NECTIN1: variants seen among roughly 807,000 people sequenced by gnomAD.
The protein encoded by NECTIN1 is nectin cell adhesion molecule 1.
In NECTIN1, 23 loss-of-function variants were observed where a neutral mutation model predicts 48.0. That is an observed-to-expected ratio of 0.48 (90% CI 0.34 to 0.68). The LOEUF (loss-of-function observed/expected upper bound fraction) is 0.68, where lower values mean the gene tolerates loss of function less well. Ranked by LOEUF, NECTIN1 falls within the 30% of genes least tolerant of loss-of-function variation. The probability of loss-of-function intolerance (pLI) is 0.01; values close to 1 mark genes in which losing one functional copy is unlikely to be tolerated. For missense variants in NECTIN1, 591 were observed against 709.9 expected (o/e 0.83, Z 1.90); for synonymous variants, 270 against 288.9 (o/e 0.93, Z 0.66).
At chr11:119,638,351 C>A (rs374630937) in intron 7 of NECTIN1, 8 of 1,413,330 alleles carry the variant, frequency 5.7e-6, no homozygotes, top group African/African-American at 2.8e-5. Flanking sequence ...TTCCCATGCA[C>A]CCCCATTCTG....
chr11:119,673,371 C>T lies in NECTIN1; in HGVS notation c.1003+1788G>A, dbSNP rs1172549753. Among the ~76,000 whole-genome samples, 2 of 152,186 alleles carry T rather than the reference C, an allele frequency of 1.3e-5. No individual in the cohort carries two copies. The highest frequency in any genetic ancestry group is 2.4e-5 in the African/African-American group (1 of 41,444). ...GGCTCCTGCCTAACGGGGCTGCCAG[C>T]AAGAGCCATGTTGTGTCCCTCTTCC... On this transcript the variant is annotated intron_variant, in intron 5 of 5. Coordinates refer to ENST00000264025, the MANE Select transcript of NECTIN1 (RefSeq NM_002855.5). This position sits in a 1 kb window ranked among gnomAD's most constrained non-coding sequence, Gnocchi z 5.8.
intron 1 of NECTIN1, among the ~76,000 whole-genome samples, chr11:119,686,180 T>C (rs1335937488): frequency 2.6e-5 from 4 of 152,198 alleles, no homozygotes; most frequent in Non-Finnish European, 1.5e-5. Context: ...TGAATTCCTC[T>C]TGATTTTCCA....
rs75467138 is a variant in NECTIN1, at chr11:119,672,276, C to T, written c.1003+2883G>A. 8.8e-3 allele frequency among the ~76,000 whole-genome samples: 1,342 copies of T among 152,286 alleles called. 15 individuals carry two copies. Among genetic ancestry groups the T allele is most frequent in the African/African-American group, 0.031 (1,290 of 41,546 alleles). Reference sequence around the variant, plus strand: ...TGGAGAGGCCTGGCCTGTCTCCTCCCGACACCCACAGGGATAGAGGCTGCC... The same window carrying T: ...TGGAGAGGCCTGGCCTGTCTCCTCCTGACACCCACAGGGATAGAGGCTGCC... On this transcript the variant is annotated intron_variant, in intron 5 of 5. Transcript: ENST00000264025. This position sits in a 1 kb window ranked among gnomAD's most constrained non-coding sequence, Gnocchi z 4.3.
At chr11:119,670,644 C>CTTTTTT (rs56350355) in intron 5 of NECTIN1, among the ~76,000 whole-genome samples, 8 of 113,896 alleles carry the variant, frequency 7.0e-5, no homozygotes, top group African/African-American at 1.0e-4. Flanking sequence ...TTCCTAAGTC[C>CTTTTTT]TTTTTTTTTT....
chr11:119,686,732 C>T (rs556529785), intron 1 of NECTIN1, among the ~76,000 whole-genome samples: 6 of 152,328 alleles, frequency 3.9e-5, no homozygotes, highest in Non-Finnish European at 5.9e-5. Context: ...TCATTCTTCC[C>T]GGAATCACCT....
At chr11:119,724,479 C>A (rs559966364) in intron 1 of NECTIN1, among the ~76,000 whole-genome samples, 8 of 152,272 alleles carry the variant, frequency 5.3e-5, no homozygotes, top group Admixed American at 4.6e-4. Flanking sequence ...CTTCCCACCC[C>A]CCAAAGGACC....
intron 5 of NECTIN1, chr11:119,674,707 G>A (rs867321250): frequency 3.7e-6 from 6 of 1,613,976 alleles, no homozygotes; most frequent in Middle Eastern, 1.6e-4. Flanking sequence ...CTACATCTTC[G>A]CTTTCTCTCC....
At chr11:119,697,951 TGA>T (rs1565396189) in intron 1 of NECTIN1, among the ~76,000 whole-genome samples, 1 of 152,248 alleles carries the variant, frequency 6.6e-6, no homozygotes, top group Non-Finnish European at 1.5e-5. Context: ...CTGCCCAGCC[TGA>T]GTCTTCTCCC....
intron 1 of NECTIN1, among the ~76,000 whole-genome samples, chr11:119,689,763 C>T (rs1455558475): frequency 6.6e-6 from 1 of 152,182 alleles, no homozygotes; most frequent in Non-Finnish European, 1.5e-5. Context: ...CTCACCAATC[C>T]CCACCGCAAT....
chr11:119,643,594 T>C (rs1054879491), intron 5 of NECTIN1, among the ~76,000 whole-genome samples: 1 of 152,148 alleles, frequency 6.6e-6, no homozygotes, highest in Non-Finnish European at 1.5e-5. Context: ...ACCCCCTCCC[T>C]GAATAGGGGG....
At chr11:119,722,057 C>T (rs895250797) in intron 1 of NECTIN1, among the ~76,000 whole-genome samples, 8 of 152,226 alleles carry the variant, frequency 5.3e-5, no homozygotes, top group South Asian at 2.1e-4. Flanking sequence ...CATCCTCTTC[C>T]GTCTGTCCAT....
chr11:119,686,534 TGG>T (rs1565391860), intron 1 of NECTIN1, among the ~76,000 whole-genome samples: 20 of 152,154 alleles, frequency 1.3e-4, no homozygotes, highest in Non-Finnish European at 2.5e-4. Flanking sequence ...GACCCTCCCA[TGG>T]TATCCTGCAG....
chr11:119,713,305 G>T (rs911893193), intron 1 of NECTIN1, among the ~76,000 whole-genome samples: 81 of 152,246 alleles, frequency 5.3e-4, no homozygotes, highest in African/African-American at 1.9e-3. Flanking sequence ...TAGGTGTGGG[G>T]GCTTCTTTTC....
At chr11:119,704,058 G>A (rs1865502272) in intron 1 of NECTIN1, among the ~76,000 whole-genome samples, 1 of 152,130 alleles carries the variant, frequency 6.6e-6, no homozygotes, top group Non-Finnish European at 1.5e-5. Flanking sequence ...GCTTTACCCA[G>A]GAACACGGTT....
chr11:119,711,747 C>G (rs993219592), intron 1 of NECTIN1, among the ~76,000 whole-genome samples: 1 of 152,084 alleles, frequency 6.6e-6, no homozygotes, highest in Non-Finnish European at 1.5e-5. Context: ...AAAATAGGTC[C>G]GTGTAAAGTT....
chr11:119,645,849 A>G (rs1435947565), intron 5 of NECTIN1, among the ~76,000 whole-genome samples: 1 of 152,202 alleles, frequency 6.6e-6, no homozygotes, highest in Non-Finnish European at 1.5e-5. Context: ...CCTCTGAGCC[A>G]GGGTGGTGAG....
chr11:119,640,029 G>C (rs989896206), intron 5 of NECTIN1: 1 of 1,601,126 alleles, frequency 6.2e-7, no homozygotes, highest in Non-Finnish European at 8.5e-7. Context: ...ACAAAAGACA[G>C]GGAAGAGGAT....
chr11:119,702,964 C>T (rs1865483214), intron 1 of NECTIN1, among the ~76,000 whole-genome samples: 1 of 152,204 alleles, frequency 6.6e-6, no homozygotes, highest in African/African-American at 2.4e-5. Flanking sequence ...TGGGTTAAAC[C>T]CCCCTTGCTC....
chr11:119,703,432 T>G (rs1395244412), intron 1 of NECTIN1, among the ~76,000 whole-genome samples: 2 of 152,188 alleles, frequency 1.3e-5, no homozygotes. Context: ...AATACCACGC[T>G]GTCTTGTACC....
Sources: gnomAD v4.1 joint callset for allele counts (sites outside exome capture counted in the v4.1 genomes callset) on GRCh38, gnomAD v4.1.1 for gene constraint, Gnocchi (gnomAD v3.1) non-coding constraint, MANE v1.5 for transcripts, NCBI Gene and HGNC (gene_info 2026-07-23, HGNC 2026-07-21) for gene names.